Variants in WDR1 observed in about 807,000 individuals in gnomAD.
WDR1 encodes the protein WD repeat-containing protein 1.
In WDR1, 21 loss-of-function variants were observed where a neutral mutation model predicts 71.9. That is an observed-to-expected ratio of 0.29 (90% CI 0.21 to 0.42). WDR1 has a LOEUF of 0.42. Ranked by LOEUF, WDR1 falls within the 10% of genes least tolerant of loss-of-function variation. The pLI, the probability that WDR1 is intolerant of heterozygous loss-of-function variation, is 1.00. For missense variants in WDR1, 696 were observed against 824.5 expected, an observed-to-expected ratio of 0.84 and a Z score of 1.91; for synonymous variants, 424 against 347.4, an observed-to-expected ratio of 1.22 and a Z score of -2.45.
intron 14 of WDR1, chr4:10,075,754 C>G (rs917088484): frequency 5.5e-6 from 3 of 542,966 alleles, no homozygotes; most frequent in South Asian, 2.2e-5. Context: ...GCCAGTGGCT[C>G]CCTCTCTCCA....
In WDR1 at chr4:10,098,840, C is replaced by G. The variant is rs1474811861; in HGVS notation, c.377+152G>C. 3.8e-6 allele frequency: 4 copies of G among 1,060,740 alleles called. No individual in the cohort carries two copies. The East Asian group carries it at 9.7e-5, about 26-fold the overall frequency. The allele number at this position is 1,060,740 out of a possible 1,614,324, so 65.7% of individuals were successfully genotyped here. On this transcript the variant is annotated intron_variant, in intron 4 of 14. Transcript: ENST00000499869. Reference sequence around the variant, plus strand: ...AGTTCTACCTTACCTGGGGCTGCAGCCAGCCCTCACGGGGCCCGGCACCTA... The same window carrying G: ...AGTTCTACCTTACCTGGGGCTGCAGGCAGCCCTCACGGGGCCCGGCACCTA...
intron 8 of WDR1, 96 bp from the exon 9 acceptor site, chr4:10,084,626 G>A: frequency 8.6e-7 from 1 of 1,169,070 alleles, no homozygotes; most frequent in Non-Finnish European, 1.3e-6. Context: ...GTAATGGAGG[G>A]GGCAGACGCC....
chr4:10,078,676 G>C, intron 12 of WDR1: 1 of 509,704 alleles, frequency 2.0e-6, no homozygotes, highest in Non-Finnish European at 3.5e-6. Context: ...GTGAGGTGGG[G>C]GAAGTGCCGA....
rs936909906 is a variant in WDR1 at position 10,116,738 on chromosome 4, C to T, written c.-72G>A. 1.3e-5 allele frequency: 17 copies of T among 1,276,290 alleles called. No individual in the cohort carries two copies. The highest frequency in any genetic ancestry group is 1.2e-4 in the Admixed American group (3 of 25,250). 79.1% of individuals were successfully genotyped at this position (1,276,290 alleles called of 1,614,324 possible). On this transcript the variant is annotated 5_prime_UTR_variant, in exon 1 of 15. Coordinates refer to ENST00000499869, the MANE Select transcript of WDR1 (RefSeq NM_017491.5). ...CCGGCCCGCGCTGCGAATTACACCT[C>T]GCCGAGGCCGAGCCCGGGGACTGGA...
rs777550610 is a variant in WDR1, at chr4:10,116,134, G to A, written c.117C>T (p.Cys39=). Residue 39 remains cysteine, a synonymous_variant, in exon 2 of 15, where the codon TGC becomes TGT. Coordinates refer to ENST00000499869, the MANE Select transcript of WDR1 (RefSeq NM_017491.5). ...GNNFLYTNGK[C]VILRNIDNPA... ...TCACGTCGATGTTCCTTAGGATGAC[G>A]CACTTTCCATTGGTGTACAGAAAAT... 2 of 1,613,460 alleles carry A rather than the reference G, an allele frequency of 1.2e-6. No homozygotes were observed. The highest frequency in any genetic ancestry group is 1.7e-5 in the Admixed American group (1 of 59,976).
chr4:10,092,511 G>GCCGTA, intron 5 of WDR1: 3 of 155,236 alleles, frequency 1.9e-5, no homozygotes, highest in Admixed American at 1.3e-4. Flanking sequence ...GCAGGGTGGT[G>GCCGTA]TCATGTGTCC....
chr4:10,084,985 G>A (rs1461835330), intron 8 of WDR1, among the ~76,000 whole-genome samples: 2 of 152,230 alleles, frequency 1.3e-5, no homozygotes, highest in African/African-American at 2.4e-5. Context: ...TCCCTGCCCA[G>A]GAGTGCTGGC....
intron 3 of WDR1, 37 bp downstream of exon 3, chr4:10,103,859 C>T (rs780876883): frequency 1.3e-6 from 2 of 1,550,758 alleles, no homozygotes; most frequent in South Asian, 2.4e-5. Flanking sequence ...CACCCAGGCC[C>T]CCACAGGTGT....
chr4:10,075,120 G>T lies in WDR1; in HGVS notation c.*258C>A. ...GTTTCGCATTCTCAAGGTTTGGTTG[G>T]GCTGTGGGTTTTAGTTATGCTCCAC... On this transcript the variant is annotated 3_prime_UTR_variant, in exon 15 of 15. Transcript: ENST00000499869. 2.1e-6 allele frequency: 1 copy of T among 483,994 alleles called. No homozygotes were observed. Among genetic ancestry groups the T allele is most frequent in the Non-Finnish European group, 3.6e-6 (1 of 274,406 alleles). The allele number at this position is 483,994 out of a possible 1,614,324, so 30.0% of individuals were successfully genotyped here.
intron 5 of WDR1, 150 bp from the exon 6 acceptor site, chr4:10,088,891 C>T (rs1711778844): frequency 4.4e-6 from 3 of 680,960 alleles, no homozygotes; most frequent in African/African-American, 3.5e-5. Context: ...AAAAAAACAT[C>T]CTGGGCAGTC....
At chr4:10,100,448 C>A (rs540296831) in intron 3 of WDR1, among the ~76,000 whole-genome samples, 1 of 152,100 alleles carries the variant, frequency 6.6e-6, no homozygotes. Context: ...TCAGGTGGAA[C>A]GAGTCCACGA....
At chr4:10,116,455 G>T in intron 1 of WDR1, 196 bp downstream of exon 1, 1 of 767,778 alleles carries the variant, frequency 1.3e-6, no homozygotes, top group African/African-American at 1.9e-5. Context: ...GGCCCACGGC[G>T]CCAACTTGGG....
rs79600607 is a variant in WDR1, at chr4:10,097,796, C to T, written c.473G>A (p.Arg158Gln). The T allele has an allele frequency of 1.3e-5, 21 of 1,613,692 alleles. No individual in the cohort carries two copies. Among genetic ancestry groups the T allele is most frequent in the Non-Finnish European group, 1.6e-5 (19 of 1,179,836 alleles). Residue 158 changes from arginine (R) to glutamine (Q), a missense_variant, in exon 5 of 15, where the codon CGG (arginine) becomes CAG (glutamine). Physicochemically the swap from Arg to Gln is conservative, Grantham distance 43. Transcript: ENST00000499869. ...GCTTCCCGTGGCCAGCCGGTATGGC[C>T]GGCTCTGCTTGATGTCCACGCTGTT... ...VINSVDIKQSRPYRLATGSDD... is the reference protein window; with the variant it reads ...VINSVDIKQSQPYRLATGSDD...
In WDR1 at chr4:10,116,773, C is replaced by T; in HGVS notation, c.-107G>A. On this transcript the variant is annotated 5_prime_UTR_variant, in exon 1 of 15. Coordinates refer to ENST00000499869, the MANE Select transcript of WDR1 (RefSeq NM_017491.5). Reference sequence around the variant, plus strand: ...GAGCCCGGGGACTGGAGCCGGAAGGCGGCACCGGGCGTGCCGGGAGTGGAG... The same window carrying T: ...GAGCCCGGGGACTGGAGCCGGAAGGTGGCACCGGGCGTGCCGGGAGTGGAG... 2.5e-6 allele frequency: 3 copies of T among 1,213,932 alleles called. No homozygotes were observed. Among genetic ancestry groups the T allele is most frequent in the South Asian group, 2.8e-5 (1 of 35,254 alleles). 75.2% of individuals were successfully genotyped at this position (1,213,932 alleles called of 1,614,324 possible).
At position 10,116,149 on chromosome 4, in the gene WDR1, G is replaced by A. The variant is rs373996529; in HGVS notation, c.102C>T (p.Tyr34=). The A allele has an allele frequency of 1.5e-4, 244 of 1,613,734 alleles. No homozygotes were observed. The highest frequency in any genetic ancestry group is 2.0e-4 in the Non-Finnish European group (241 of 1,179,802). The change falls in exon 2 of 15, where the codon TAC becomes TAT. Residue 34 remains tyrosine (Y), a synonymous_variant. Transcript: ENST00000499869. ...GGDPKGNNFL[Y]TNGKCVILRN... ...TTAGGATGACGCACTTTCCATTGGT[G>A]TACAGAAAATTGTTGCCCTTAGGGT...
chr4:10,110,978 C>G (rs4459989), intron 2 of WDR1, among the ~76,000 whole-genome samples: 1 of 152,162 alleles, frequency 6.6e-6, no homozygotes, highest in Non-Finnish European at 1.5e-5. Flanking sequence ...AAGACAGGGG[C>G]TTAGTGAACA....
At chr4:10,089,399 C>T (rs1228703740) in intron 5 of WDR1, among the ~76,000 whole-genome samples, 6 of 152,190 alleles carry the variant, frequency 3.9e-5, no homozygotes, top group African/African-American at 1.4e-4. Context: ...AGTCACTGCG[C>T]CTGGCCAATA....
intron 2 of WDR1, among the ~76,000 whole-genome samples, chr4:10,105,317 C>G (rs1712951097): frequency 6.6e-6 from 1 of 152,182 alleles, no homozygotes; most frequent in Non-Finnish European, 1.5e-5. Flanking sequence ...CTAGCCATCT[C>G]AATAAGTGGT....
At chr4:10,085,413 CCA>C (rs1765172442) in intron 8 of WDR1, among the ~76,000 whole-genome samples, 1 of 152,236 alleles carries the variant, frequency 6.6e-6, no homozygotes, top group Non-Finnish European at 1.5e-5. Flanking sequence ...TTCATCTTTT[CCA>C]CAGAGACGTG....
Sources: allele counts gnomAD v4.1 joint callset (sites outside exome capture counted in the v4.1 genomes callset), GRCh38; gene constraint gnomAD v4.1.1; transcripts MANE v1.5; gene names NCBI Gene and HGNC (gene_info 2026-07-23, HGNC 2026-07-21).